ALKBH5: variants seen among roughly 807,000 people sequenced by gnomAD.
The protein encoded by ALKBH5 is RNA demethylase ALKBH5.
A neutral mutation model predicts 32.1 loss-of-function variants in ALKBH5; 2 were observed. The observed-to-expected ratio is 0.06, with a 90% confidence interval of 0.03 to 0.20. ALKBH5 has a LOEUF of 0.20. ALKBH5 is among the 10% of genes least tolerant of loss of function. The probability of loss-of-function intolerance (pLI) is 1.00; values close to 1 mark genes in which losing one functional copy is unlikely to be tolerated. For synonymous variants in ALKBH5, 300 were observed against 231.7 expected, an observed-to-expected ratio of 1.29 and a Z score of -2.68; for missense variants, 352 against 559.5, an observed-to-expected ratio of 0.63 and a Z score of 3.74.
chr17:18,185,103 G>GC (rs1242238609), intron 1 of ALKBH5, 90 bp downstream of exon 1: 9 of 1,521,720 alleles, frequency 5.9e-6, no homozygotes, highest in Non-Finnish European at 7.9e-6. Context: ...AGGAGTCTGC[G>GC]TTTTTTACAG....
chr17:18,187,350 G>A (rs2047145432), intron 1 of ALKBH5, among the ~76,000 whole-genome samples: 1 of 152,096 alleles, frequency 6.6e-6, no homozygotes, highest in African/African-American at 2.4e-5. Flanking sequence ...GGCAGATGGA[G>A]TTCATTAGTA....
intron 1 of ALKBH5, among the ~76,000 whole-genome samples, chr17:18,193,843 A>AG (rs1413236936): frequency 1.2e-4 from 18 of 152,320 alleles, no homozygotes; most frequent in Non-Finnish European, 8.8e-5. Flanking sequence ...AGGGCCAGGT[A>AG]GGGAAACTAA....
intron 2 of ALKBH5, among the ~76,000 whole-genome samples, chr17:18,200,886 C>T (rs77385468): frequency 6.6e-6 from 1 of 152,178 alleles, no homozygotes; most frequent in African/African-American, 2.4e-5. Context: ...AAAAGCTTCA[C>T]GCTGTGCAGA....
In ALKBH5 at chr17:18,208,482, T is replaced by C; in HGVS notation, c.*86T>C. On this transcript the variant is annotated 3_prime_UTR_variant, in exon 4 of 4. Coordinates refer to ENST00000399138, the MANE Select transcript of ALKBH5 (RefSeq NM_017758.4). ...TTTTGAGGGTTTTGTTTTTGTTCAT[T>C]GGGGGGTTTTTGTTTTTTGTTTTTT... The C allele has an allele frequency of 6.8e-7, 1 of 1,473,124 alleles. No individual in the cohort carries two copies. The highest frequency in any genetic ancestry group is 9.3e-7 in the Non-Finnish European group (1 of 1,075,858). 91.3% of individuals were successfully genotyped at this position (1,473,124 alleles called of 1,614,324 possible). A position where few individuals can be genotyped will look rare whatever the true frequency, so the allele number is the denominator to read the frequency against.
chr17:18,184,188 C>G lies in ALKBH5; in HGVS notation c.-56C>G. On this transcript the variant is annotated 5_prime_UTR_variant, in exon 1 of 4. Coordinates refer to ENST00000399138, the MANE Select transcript of ALKBH5 (RefSeq NM_017758.4). ...GGCCCCGGGGCGCGTCCCCTTAGAG[C>G]CATGCCCGGCTGCCCCGCCCGCCCC... The G allele has an allele frequency of 1.4e-6, 2 of 1,414,730 alleles. No individual in the cohort carries two copies. The highest frequency in any genetic ancestry group is 1.9e-6 in the Non-Finnish European group (2 of 1,072,736). The allele number at this position is 1,414,730 out of a possible 1,614,324, so 87.6% of individuals were successfully genotyped here. A position where few individuals can be genotyped will look rare whatever the true frequency, so the allele number is the denominator to read the frequency against.
chr17:18,190,506 G>A (rs867781468), intron 1 of ALKBH5, among the ~76,000 whole-genome samples: 5 of 146,968 alleles, frequency 3.4e-5, no homozygotes, highest in South Asian at 2.2e-4. Flanking sequence ...CCAAGATTGC[G>A]CCACTGCATT....
chr17:18,201,794 AAGATAGATAGATAGAT>A (rs57735712), intron 2 of ALKBH5, among the ~76,000 whole-genome samples: 222 of 134,502 alleles, frequency 1.7e-3, no homozygotes, highest in African/African-American at 5.4e-3. Flanking sequence ...TAGGATAGAT[AAGATAGATAGATAGAT>A]AGATAGATAG....
intron 1 of ALKBH5, among the ~76,000 whole-genome samples, chr17:18,186,837 C>G (rs1038749706): frequency 3.7e-4 from 57 of 152,168 alleles, no homozygotes; most frequent in African/African-American, 1.2e-3. Flanking sequence ...CAGCTTTTCT[C>G]TCATTTGCTT....
At chr17:18,194,922 C>T (rs575638750) in intron 1 of ALKBH5, 33 bp from the exon 2 acceptor site, 1 of 1,608,528 alleles carries the variant, frequency 6.2e-7, no homozygotes, top group South Asian at 1.1e-5. Context: ...TCTGTCTACT[C>T]TTCATGGTCA....
intron 1 of ALKBH5, among the ~76,000 whole-genome samples, chr17:18,190,550 G>GGAAA (rs1390458334): frequency 8.2e-6 from 1 of 121,902 alleles, no homozygotes; most frequent in African/African-American, 3.2e-5. Context: ...CTCTGTTTCC[G>GGAAA]AAAAAAAAAA....
rs187841929 is a variant in ALKBH5 at position 18,185,921 on chromosome 17, A to G, written c.770+908A>G. ...AATTCAGTAATACCCAAAACATCTT[A>G]GGTTTAGACCGCAGCTGTTCTCAGA... On this transcript the variant is annotated intron_variant, in intron 1 of 3. Transcript: ENST00000399138. Among the ~76,000 whole-genome samples, 550 of 152,302 alleles carry G rather than the reference A, an allele frequency of 3.6e-3. 5 individuals carry two copies. Among genetic ancestry groups the G allele is most frequent in the South Asian group, 0.025 (123 of 4,828 alleles).
At chr17:18,201,811 AGATAGAT>A (rs1567676717) in intron 2 of ALKBH5, among the ~76,000 whole-genome samples, 5 of 73,492 alleles carry the variant, frequency 6.8e-5, no homozygotes, top group African/African-American at 2.8e-4. Flanking sequence ...ATAGATAGAT[AGATAGAT>A]AGATAGATAG....
At chr17:18,202,949 C>A (rs1376706831) in intron 2 of ALKBH5, among the ~76,000 whole-genome samples, 1 of 151,838 alleles carries the variant, frequency 6.6e-6, no homozygotes, top group Non-Finnish European at 1.5e-5. Flanking sequence ...TGGCGTGCAC[C>A]TGTAGTCCCA....
chr17:18,188,025 C>G (rs1191931765), intron 1 of ALKBH5, among the ~76,000 whole-genome samples: 2 of 152,192 alleles, frequency 1.3e-5, no homozygotes, highest in African/African-American at 4.8e-5. Context: ...AGAACAAGGC[C>G]TCACAGAATC....
chr17:18,188,805 A>G (rs2047155462), intron 1 of ALKBH5, among the ~76,000 whole-genome samples: 1 of 152,224 alleles, frequency 6.6e-6, no homozygotes, highest in Non-Finnish European at 1.5e-5. Flanking sequence ...TTAGTGGCTC[A>G]TGCCTGTAAT....
chr17:18,193,629 C>T (rs2047190380), intron 1 of ALKBH5, among the ~76,000 whole-genome samples: 3 of 152,184 alleles, frequency 2.0e-5, no homozygotes, highest in Non-Finnish European at 4.4e-5. Flanking sequence ...GAGGTGCTTC[C>T]TTAAGGCTGA....
At chr17:18,202,554 C>T (rs754480059) in intron 2 of ALKBH5, among the ~76,000 whole-genome samples, 3 of 152,120 alleles carry the variant, frequency 2.0e-5, no homozygotes, top group Non-Finnish European at 4.4e-5. Flanking sequence ...GTCTCTGCCT[C>T]GCTTTGTTGG....
intron 2 of ALKBH5, among the ~76,000 whole-genome samples, chr17:18,197,668 CCTCAGCACAG>C (rs1399577771): frequency 2.0e-5 from 3 of 152,240 alleles, no homozygotes; most frequent in Non-Finnish European, 4.4e-5. Context: ...GTCAGATGCT[CCTCAGCACAG>C]CTAGGAGTCT....
At chr17:18,203,085 A>T (rs1009475927) in intron 2 of ALKBH5, among the ~76,000 whole-genome samples, 2 of 151,912 alleles carry the variant, frequency 1.3e-5, no homozygotes, top group East Asian at 3.9e-4. Flanking sequence ...AAAAAAAAAA[A>T]AAAAAAGAGT....
Sources: allele counts gnomAD v4.1 joint callset (sites outside exome capture counted in the v4.1 genomes callset), GRCh38; gene constraint gnomAD v4.1.1; transcripts MANE v1.5; gene names NCBI Gene and HGNC (gene_info 2026-07-23, HGNC 2026-07-21).